The following AFF1 variants were observed in gnomAD, a reference collection of about 807,000 sequenced individuals.
AFF1 encodes the protein ALF transcription elongation factor 1.
A neutral mutation model predicts 121.7 loss-of-function variants in AFF1; 48 were observed. That is an observed-to-expected ratio of 0.39 (90% CI 0.31 to 0.50). The LOEUF is 0.50. AFF1 is among the 20% of genes least tolerant of loss of function. The probability of loss-of-function intolerance (pLI) is 0.76; values close to 1 mark genes in which losing one functional copy is unlikely to be tolerated. For missense variants in AFF1, 1,523 were observed against 1,511.7 expected (o/e 1.01, Z -0.12); for synonymous variants, 613 against 563.0 (o/e 1.09, Z -1.26).
chr4:87,002,747 G>A (rs1446553438), intron 2 of AFF1, among the ~76,000 whole-genome samples: 1 of 152,134 alleles, frequency 6.6e-6, no homozygotes, highest in Non-Finnish European at 1.5e-5. Flanking sequence ...CTCCTTATTT[G>A]TAGGGTAAAT....
At chr4:87,007,507 A>G in intron 2 of AFF1, 1 of 1,572,292 alleles carries the variant, frequency 6.4e-7, no homozygotes, top group Non-Finnish European at 8.7e-7. Flanking sequence ...GGGTGCGGGG[A>G]AGGAGACGGA....
chr4:87,056,504 A>T (rs1011869250), intron 4 of AFF1, among the ~76,000 whole-genome samples: 11 of 152,232 alleles, frequency 7.2e-5, no homozygotes, highest in Admixed American at 1.3e-4. Flanking sequence ...CTATGGTATA[A>T]TTAGAATGTA....
At chr4:87,064,185 G>GA (rs1219157201) in intron 4 of AFF1, among the ~76,000 whole-genome samples, 1 of 152,172 alleles carries the variant, frequency 6.6e-6, no homozygotes, top group African/African-American at 2.4e-5. Context: ...GTGACAAATA[G>GA]AAAAAATTAT....
At chr4:86,969,744 G>A (rs1253867556) in intron 2 of AFF1, among the ~76,000 whole-genome samples, 1 of 151,554 alleles carries the variant, frequency 6.6e-6, no homozygotes, top group Non-Finnish European at 1.5e-5. Flanking sequence ...GCTGGGCGCC[G>A]GGGCGGGTGC....
At chr4:87,044,995 G>A (rs1365012807) in intron 2 of AFF1, among the ~76,000 whole-genome samples, 1 of 152,186 alleles carries the variant, frequency 6.6e-6, no homozygotes, top group East Asian at 1.9e-4. Flanking sequence ...ATTGTGACAT[G>A]AGAACCAGGG....
intron 2 of AFF1, among the ~76,000 whole-genome samples, chr4:86,980,493 A>C (rs951161389): frequency 6.6e-6 from 1 of 152,190 alleles, no homozygotes; most frequent in African/African-American, 2.4e-5. Flanking sequence ...CCCATCTCTA[A>C]GAAAATAAAA....
intron 2 of AFF1, among the ~76,000 whole-genome samples, chr4:86,966,250 A>G (rs1388513689): frequency 2.0e-5 from 3 of 152,012 alleles, no homozygotes; most frequent in Admixed American, 1.3e-4. Context: ...AGTGATATAT[A>G]TTGAATTTTG....
intron 2 of AFF1, among the ~76,000 whole-genome samples, chr4:87,025,538 GGAATAT>G (rs1728440404): frequency 6.6e-6 from 1 of 152,132 alleles, no homozygotes; most frequent in African/African-American, 2.4e-5. Flanking sequence ...AGTGACTTTG[GGAATAT>G]TTCTCATTCT....
rs1729262037 is a variant in AFF1 at position 87,135,882 on chromosome 4, G to T, written c.*181G>T. 3.0e-6 allele frequency: 3 copies of T among 996,304 alleles called. No homozygotes were observed. The South Asian group carries it at 9.4e-5, about 31-fold the overall frequency. 61.7% of individuals were successfully genotyped at this position (996,304 alleles called of 1,614,324 possible). A position where few individuals can be genotyped will look rare whatever the true frequency, so the allele number is the denominator to read the frequency against. ...GTGTGATCATTGGTTGGACACTGTG[G>T]TTATGCAGAAGCAGAGATGAGGAGG... On this transcript the variant is annotated 3_prime_UTR_variant, in exon 21 of 21. Transcript: ENST00000395146.
intron 4 of AFF1, among the ~76,000 whole-genome samples, chr4:87,083,311 C>A (rs927844048): frequency 2.0e-5 from 3 of 152,162 alleles, no homozygotes; most frequent in African/African-American, 7.2e-5. Context: ...TAATTAATCT[C>A]CTCTACCCTT....
chr4:87,112,930 A>ATTTTTTTATATG (rs1330308285), intron 11 of AFF1, among the ~76,000 whole-genome samples: 3 of 152,190 alleles, frequency 2.0e-5, no homozygotes, highest in Non-Finnish European at 4.4e-5. Flanking sequence ...GTTAGACACT[A>ATTTTTTTATATG]ATATTTTTCT....
intron 4 of AFF1, among the ~76,000 whole-genome samples, 169 bp from the exon 5 acceptor site, chr4:87,083,951 A>G (rs959451765): frequency 6.6e-6 from 1 of 152,158 alleles, no homozygotes; most frequent in African/African-American, 2.4e-5. Context: ...CTTTTGGTAG[A>G]AATGGGGTTT....
At chr4:87,109,690 G>A (rs541216063) in intron 11 of AFF1, among the ~76,000 whole-genome samples, 2 of 152,284 alleles carry the variant, frequency 1.3e-5, no homozygotes, top group South Asian at 2.1e-4. Context: ...CAAATAAAAT[G>A]GAAATGTTAC....
At chr4:87,116,685 A>G (rs1283485470) in intron 12 of AFF1, among the ~76,000 whole-genome samples, 1 of 152,244 alleles carries the variant, frequency 6.6e-6, no homozygotes, top group African/African-American at 2.4e-5. Context: ...CTTGCAGCAG[A>G]CTAAAGGATG....
intron 2 of AFF1, among the ~76,000 whole-genome samples, chr4:86,982,848 C>CAAAAAAAAAAAAAAAAAAAAAAA (rs59568294): frequency 5.6e-5 from 3 of 53,810 alleles, no homozygotes; most frequent in African/African-American, 2.0e-4. Flanking sequence ...ACTCTGTCTC[C>CAAAAAAAAAAAAAAAAAAAAAAA]AAAAAAAAAA....
At chr4:87,055,472 T>A (rs1435561858) in intron 4 of AFF1, among the ~76,000 whole-genome samples, 1 of 152,178 alleles carries the variant, frequency 6.6e-6, no homozygotes, top group African/African-American at 2.4e-5. Flanking sequence ...TGTTCCTCCT[T>A]GTTTTCACAC....
At chr4:87,133,622 G>A (rs1435569318) in intron 19 of AFF1, among the ~76,000 whole-genome samples, 1 of 152,102 alleles carries the variant, frequency 6.6e-6, no homozygotes. Context: ...CTTGTTTTAG[G>A]TACTGGGGAT....
At chr4:87,014,232 T>C (rs1727086251) in intron 2 of AFF1, among the ~76,000 whole-genome samples, 1 of 152,204 alleles carries the variant, frequency 6.6e-6, no homozygotes, top group Non-Finnish European at 1.5e-5. Flanking sequence ...AATTTACTTT[T>C]TTCCATGCGT....
intron 10 of AFF1, among the ~76,000 whole-genome samples, chr4:87,107,442 G>A (rs577761042): frequency 2.0e-5 from 3 of 152,220 alleles, no homozygotes; most frequent in South Asian, 2.1e-4. Flanking sequence ...TCTCTACTTT[G>A]TCTGACATTT....
Sources: gnomAD v4.1 joint callset for allele counts (sites outside exome capture counted in the v4.1 genomes callset) on GRCh38, gnomAD v4.1.1 for gene constraint, MANE v1.5 for transcripts, NCBI Gene and HGNC (gene_info 2026-07-23, HGNC 2026-07-21) for gene names.